Variants in SYT16 observed in about 807,000 individuals in gnomAD.
SYT16 encodes the protein synaptotagmin-16.
In SYT16, 42 loss-of-function variants were observed where a neutral mutation model predicts 61.4. That is an observed-to-expected ratio of 0.68 (90% confidence interval 0.53 to 0.89). The LOEUF is 0.89. Among genes scored for constraint, SYT16 ranks in the 40% least tolerant of loss-of-function variants. SYT16 has a pLI of 0.00. For synonymous variants in SYT16, 314 were observed against 302.3 expected, an observed-to-expected ratio of 1.04 and a Z score of -0.40; for missense variants, 804 against 807.3, an observed-to-expected ratio of 1.00 and a Z score of 0.05.
At position 61,923,331 on chromosome 14, in the gene SYT16, A is replaced by G. The variant is rs187485133; in HGVS notation, c.-324-46801A>G. ...AAAATGGCAATGATGAAGACTACTT[A>G]ATATAAATAGTGTATAGATTAAATA... On this transcript the variant is annotated intron_variant, in intron 1 of 7. Coordinates refer to ENST00000683842, the MANE Select transcript of SYT16 (RefSeq NM_001367656.1). Among the ~76,000 whole-genome samples the G allele has an allele frequency of 5.3e-5, 8 of 152,342 alleles. No homozygotes were observed. In the East Asian group the frequency reaches 1.5e-3, roughly 29 times the overall value.
At chr14:62,046,303 G>GT (rs904409871) in intron 3 of SYT16, among the ~76,000 whole-genome samples, 7 of 151,464 alleles carry the variant, frequency 4.6e-5, no homozygotes, top group Admixed American at 6.6e-5. Flanking sequence ...GGGGTTGTTT[G>GT]TTTTTTTTCT....
chr14:62,068,658 A>G (rs893831595), intron 3 of SYT16, among the ~76,000 whole-genome samples: 5 of 152,220 alleles, frequency 3.3e-5, no homozygotes, highest in African/African-American at 1.2e-4. Context: ...TATGTATCCC[A>G]TACCATCATG....
At chr14:62,011,838 G>A (rs1021254293) in intron 3 of SYT16, among the ~76,000 whole-genome samples, 1 of 142,644 alleles carries the variant, frequency 7.0e-6, no homozygotes. Context: ...AGTGCTTATG[G>A]ACACATGTCT....
chr14:62,040,697 A>G (rs1405760412), intron 3 of SYT16, among the ~76,000 whole-genome samples: 6 of 152,220 alleles, frequency 3.9e-5, no homozygotes, highest in Non-Finnish European at 7.3e-5. Context: ...GTTCCTCTGT[A>G]CATGAAACAT....
Position 62,105,173 on chromosome 14 carries a change from C to G in SYT16, c.*4466C>G, listed in dbSNP as rs1043208473. 2.0e-5 allele frequency: 3 copies of G among 152,098 alleles called. No homozygotes were observed. Among genetic ancestry groups the G allele is most frequent in the African/African-American group, 4.8e-5 (2 of 41,402 alleles). 9.4% of individuals were successfully genotyped at this position (152,098 alleles called of 1,614,324 possible). A position where few individuals can be genotyped will look rare whatever the true frequency, so the allele number is the denominator to read the frequency against. On this transcript the variant is annotated 3_prime_UTR_variant, in exon 8 of 8. Coordinates refer to ENST00000683842, the MANE Select transcript of SYT16 (RefSeq NM_001367656.1). ...TAGAACCAAGTCTTTGCATTTATCC[C>G]CTTAGTTTGGAGGGAGTACAAATCC...
intron 1 of SYT16, among the ~76,000 whole-genome samples, chr14:61,885,696 T>G (rs1387959703): frequency 2.0e-5 from 3 of 152,298 alleles, no homozygotes; most frequent in African/African-American, 7.2e-5. Context: ...AAAGCAAATA[T>G]CTCAATTGAA....
intron 1 of SYT16, among the ~76,000 whole-genome samples, chr14:61,937,622 G>C (rs1375688585): frequency 1.3e-5 from 2 of 152,186 alleles, no homozygotes; most frequent in Non-Finnish European, 2.9e-5. Flanking sequence ...AGCCCCACTT[G>C]CCTTTCCATG....
At chr14:62,077,065 G>C (rs1259865430) in intron 5 of SYT16, among the ~76,000 whole-genome samples, 1 of 152,218 alleles carries the variant, frequency 6.6e-6, no homozygotes, top group African/African-American at 2.4e-5. Flanking sequence ...TGCCTGCTTT[G>C]CAGGCTTAGC....
Position 61,940,268 on chromosome 14 carries a change from G to A in SYT16, c.-324-29864G>A, listed in dbSNP as rs1311170417. On this transcript the variant is annotated intron_variant, in intron 1 of 7. Coordinates refer to ENST00000683842, the MANE Select transcript of SYT16 (RefSeq NM_001367656.1). The stretch of plus-strand genomic sequence containing the variant: ...TTTTTTTTTTCTGTTTCCATCTACT[G>A]GCTTAGGCTGATGCTTAAAGGTCCT... 6.0e-5 allele frequency among the ~76,000 whole-genome samples: 9 copies of A among 150,976 alleles called. No individual in the cohort carries two copies. In the East Asian group the frequency reaches 1.8e-3, roughly 29 times the overall value.
intron 1 of SYT16, among the ~76,000 whole-genome samples, chr14:61,944,232 G>C (rs950333350): frequency 2.6e-5 from 4 of 152,188 alleles, no homozygotes; most frequent in Non-Finnish European, 5.9e-5. Flanking sequence ...GGAAATAAGA[G>C]AGGACACAAA....
intron 3 of SYT16, among the ~76,000 whole-genome samples, chr14:62,049,998 C>T (rs2055195308): frequency 6.6e-6 from 1 of 152,238 alleles, no homozygotes; most frequent in South Asian, 2.1e-4. Context: ...CTCTGTATTT[C>T]CTGAATTTGA....
chr14:61,910,171 A>G (rs2048873664), intron 1 of SYT16, among the ~76,000 whole-genome samples: 1 of 152,062 alleles, frequency 6.6e-6, no homozygotes, highest in Admixed American at 6.6e-5. Flanking sequence ...CAACTCTGTT[A>G]TTTTTTTCAA....
intron 3 of SYT16, among the ~76,000 whole-genome samples, chr14:61,998,810 T>C (rs774769037): frequency 7.2e-5 from 11 of 151,910 alleles, no homozygotes; most frequent in Non-Finnish European, 1.0e-4. Flanking sequence ...CTGTAGATGC[T>C]CTTTATTATG....
At chr14:62,098,227 G>A (rs1021457314) in intron 7 of SYT16, among the ~76,000 whole-genome samples, 17 of 152,322 alleles carry the variant, frequency 1.1e-4, no homozygotes, top group African/African-American at 3.8e-4. Flanking sequence ...TTGACTGGTC[G>A]TTAGGTGGGA....
chr14:61,829,186 A>G (rs968266870), intron 1 of SYT16, among the ~76,000 whole-genome samples: 10 of 152,202 alleles, frequency 6.6e-5, no homozygotes, highest in Non-Finnish European at 1.2e-4. Flanking sequence ...CTTGACATAT[A>G]TTTAAGTATA....
intron 2 of SYT16, among the ~76,000 whole-genome samples, chr14:61,994,051 A>G (rs952431959): frequency 6.6e-6 from 1 of 152,188 alleles, no homozygotes; most frequent in African/African-American, 2.4e-5. Flanking sequence ...GAGCATATGA[A>G]GCGAACTAGG....
intron 1 of SYT16, among the ~76,000 whole-genome samples, chr14:61,864,605 C>T (rs558749683): frequency 2.0e-5 from 3 of 152,366 alleles, no homozygotes; most frequent in East Asian, 1.9e-4. Context: ...CCGCTTCGGC[C>T]GCCGCCTCGC....
At chr14:61,935,589 G>C (rs532024875) in intron 1 of SYT16, among the ~76,000 whole-genome samples, 1 of 152,256 alleles carries the variant, frequency 6.6e-6, no homozygotes, top group African/African-American at 2.4e-5. Flanking sequence ...TCTAGTTGTT[G>C]GGGTGGTGAA....
intron 3 of SYT16, among the ~76,000 whole-genome samples, chr14:62,041,183 G>A (rs1353441152): frequency 6.6e-6 from 1 of 152,102 alleles, no homozygotes; most frequent in Non-Finnish European, 1.5e-5. Flanking sequence ...TGCCCACCCA[G>A]ATTAACAGTG....
Sources: gnomAD v4.1 joint callset for allele counts (sites outside exome capture counted in the v4.1 genomes callset) on GRCh38, gnomAD v4.1.1 for gene constraint, MANE v1.5 for transcripts, NCBI Gene and HGNC (gene_info 2026-07-23, HGNC 2026-07-21) for gene names.